Variants in WDR7 observed in about 807,000 individuals in gnomAD.
WDR7 encodes WD repeat domain 7.
In WDR7, 46 loss-of-function variants were observed where a neutral mutation model predicts 169.4. The observed-to-expected ratio is 0.27, with a 90% confidence interval of 0.21 to 0.35. The LOEUF (loss-of-function observed/expected upper bound fraction) is 0.35. WDR7 is among the 10% of genes least tolerant of loss of function. The probability of loss-of-function intolerance (pLI) is 1.00; values close to 1 mark genes in which losing one functional copy is unlikely to be tolerated. For synonymous variants in WDR7, 612 were observed against 666.8 expected, an observed-to-expected ratio of 0.92 and a Z score of 1.27; for missense variants, 1,534 against 1,859.3, an observed-to-expected ratio of 0.83 and a Z score of 3.22.
downstream of WDR7, chr18:57,033,823 A>C (rs2048454689): frequency 6.6e-6 from 1 of 152,134 alleles, no homozygotes; most frequent in African/African-American, 2.4e-5. Flanking sequence ...GAGCAAACAC[A>C]TCCCATGATG....
chr18:56,672,869 T>C (rs183459218), intron 2 of WDR7, among the ~76,000 whole-genome samples, 195 bp downstream of exon 2: 101 of 152,304 alleles, frequency 6.6e-4, no homozygotes, highest in Non-Finnish European at 1.4e-3. Flanking sequence ...TTGGCCATTT[T>C]CAATTGTAAT....
chr18:56,984,196 C>A (rs2047682957), intron 26 of WDR7, among the ~76,000 whole-genome samples: 2 of 152,076 alleles, frequency 1.3e-5, no homozygotes, highest in African/African-American at 4.8e-5. Flanking sequence ...TTAGAAATAA[C>A]ACCCAATGAT....
intron 1 of WDR7, among the ~76,000 whole-genome samples, chr18:56,670,069 C>G (rs952328136): frequency 2.0e-5 from 3 of 152,136 alleles, no homozygotes; most frequent in African/African-American, 7.2e-5. Flanking sequence ...TTCCTGTGAT[C>G]TACCTGATTA....
At position 56,731,429 on chromosome 18, in the gene WDR7, A is replaced by C; in HGVS notation, c.1821A>C (p.Leu607=). Residue 607 remains leucine, a synonymous_variant, in exon 14 of 28, where the codon CTA becomes CTC. Coordinates refer to ENST00000254442, the MANE Select transcript of WDR7 (RefSeq NM_015285.3). The stretch of plus-strand genomic sequence containing the variant: ...TGGGGATAACAGCAGTTGAGATTCT[A>C]AACGCTTGTGATGAAGCTGTTCCTG... ...CVMGITAVEI[L]NACDEAVPAA... is the part of the protein sequence containing the mutation. 6.2e-7 allele frequency: 1 copy of C among 1,614,204 alleles called. No individual in the cohort carries two copies. The highest frequency in any genetic ancestry group is 8.5e-7 in the Non-Finnish European group (1 of 1,180,034).
chr18:56,794,217 A>G (rs1599048929), intron 19 of WDR7, among the ~76,000 whole-genome samples: 1 of 150,096 alleles, frequency 6.7e-6, no homozygotes. Context: ...TTATCTCTTC[A>G]TCTTTTGCCC....
chr18:56,845,641 C>T (rs950292906), intron 20 of WDR7, among the ~76,000 whole-genome samples: 4 of 152,030 alleles, frequency 2.6e-5, no homozygotes, highest in African/African-American at 9.7e-5. Flanking sequence ...TGAATCCTAT[C>T]TACATTCCAT....
At chr18:56,881,894 A>G (rs1016717995) in intron 21 of WDR7, among the ~76,000 whole-genome samples, 9 of 152,222 alleles carry the variant, frequency 5.9e-5, no homozygotes, top group African/African-American at 2.2e-4. Flanking sequence ...CTATAACTTT[A>G]CAATTTAAAA....
intron 20 of WDR7, among the ~76,000 whole-genome samples, chr18:56,834,507 C>T (rs931060921): frequency 1.3e-5 from 2 of 151,910 alleles, no homozygotes; most frequent in African/African-American, 4.8e-5. Flanking sequence ...CCCTCCTTGT[C>T]TTCTCTTTGT....
At chr18:57,011,533 G>A (rs1416795046) in intron 26 of WDR7, among the ~76,000 whole-genome samples, 1 of 152,030 alleles carries the variant, frequency 6.6e-6, no homozygotes, top group Admixed American at 6.6e-5. Context: ...CAATTAGATG[G>A]TGATAGAAAA....
intron 14 of WDR7, among the ~76,000 whole-genome samples, chr18:56,753,629 G>A (rs1402630526): frequency 4.2e-5 from 6 of 143,630 alleles, no homozygotes; most frequent in African/African-American, 1.6e-4. Flanking sequence ...GGGGACAACT[G>A]ACAAATTGTC....
At chr18:56,863,593 T>C (rs1053554326) in intron 20 of WDR7, among the ~76,000 whole-genome samples, 2 of 151,742 alleles carry the variant, frequency 1.3e-5, no homozygotes, top group African/African-American at 2.4e-5. Context: ...AATTGTAAAC[T>C]TCATATTTTT....
chr18:56,791,026 A>G lies in WDR7; in HGVS notation c.3190+9370A>G, dbSNP rs1005299864. ...TGTGTTTGTTCTGTAAAACTTACCT[A>G]TCACTTGAAAATATTTTCCTTGATT... On this transcript the variant is annotated intron_variant, in intron 19 of 27. Transcript: ENST00000254442. Among the ~76,000 whole-genome samples the G allele has an allele frequency of 7.2e-5, 11 of 152,296 alleles. No individual in the cohort carries two copies. In the East Asian group the frequency reaches 1.7e-3, roughly 24 times the overall value.
At chr18:56,945,069 C>T (rs970568328) in intron 25 of WDR7, among the ~76,000 whole-genome samples, 4 of 152,076 alleles carry the variant, frequency 2.6e-5, no homozygotes, top group African/African-American at 9.7e-5. Context: ...CATACATACA[C>T]ACATACTTAA....
chr18:56,988,208 G>A (rs1284003757), intron 26 of WDR7, among the ~76,000 whole-genome samples: 1 of 152,178 alleles, frequency 6.6e-6, no homozygotes, highest in Admixed American at 6.5e-5. Context: ...TTGACAGGGA[G>A]TATGGTTATC....
At chr18:56,906,789 A>C (rs999662477) in intron 21 of WDR7, among the ~76,000 whole-genome samples, 5 of 151,944 alleles carry the variant, frequency 3.3e-5, no homozygotes, top group Non-Finnish European at 7.4e-5. Flanking sequence ...TGATCCACCC[A>C]CCTTGGCCTC....
At chr18:56,951,932 A>G (rs1465202758) in intron 25 of WDR7, among the ~76,000 whole-genome samples, 1 of 152,218 alleles carries the variant, frequency 6.6e-6, no homozygotes, top group Non-Finnish European at 1.5e-5. Flanking sequence ...AGAAATTTTA[A>G]AATTATTTAT....
Position 56,757,999 on chromosome 18 carries a change from G to A in WDR7, c.2759+647G>A, listed in dbSNP as rs887519005. On this transcript the variant is annotated intron_variant, in intron 15 of 27. Transcript: ENST00000254442. Reference sequence around the variant, plus strand: ...AAAAAAAATGTATATTTCATTAAATGCTTCTTCTCATTGTAACATATGTAA... The same window carrying A: ...AAAAAAAATGTATATTTCATTAAATACTTCTTCTCATTGTAACATATGTAA... Among the ~76,000 whole-genome samples, 13 of 150,472 alleles carry A rather than the reference G, an allele frequency of 8.6e-5. 1 individual carries two copies. The highest frequency in any genetic ancestry group is 3.3e-4 in the African/African-American group (13 of 39,996).
chr18:56,766,732 T>C (rs1182622087), intron 16 of WDR7, among the ~76,000 whole-genome samples: 1 of 151,638 alleles, frequency 6.6e-6, no homozygotes, highest in East Asian at 1.9e-4. Context: ...GTTATATGTG[T>C]CCCCAGAATT....
At chr18:56,997,886 C>T (rs1057356409) in intron 26 of WDR7, among the ~76,000 whole-genome samples, 4 of 152,132 alleles carry the variant, frequency 2.6e-5, no homozygotes, top group African/African-American at 9.7e-5. Context: ...TTATATGTCT[C>T]CTGATTAAAT....
Sources: allele counts gnomAD v4.1 joint callset (sites outside exome capture counted in the v4.1 genomes callset), GRCh38; gene constraint gnomAD v4.1.1; transcripts MANE v1.5; gene names NCBI Gene and HGNC (gene_info 2026-07-23, HGNC 2026-07-21).